EYA2: variants seen among roughly 807,000 people sequenced by gnomAD.
EYA2 encodes EYA transcriptional coactivator and phosphatase 2, also known as protein phosphatase EYA2.
In EYA2, 31 loss-of-function variants were observed where a neutral mutation model predicts 69.2. That is an observed-to-expected ratio of 0.45 (90% confidence interval 0.34 to 0.60). The LOEUF is 0.60. EYA2 is among the 20% of genes least tolerant of loss of function. The pLI is 0.02. For missense variants in EYA2, 622 were observed against 701.2 expected (o/e 0.89, Z 1.28); for synonymous variants, 257 against 279.4 (o/e 0.92, Z 0.80).
chr20:46,968,185 G>A (rs892218376), intron 1 of EYA2, among the ~76,000 whole-genome samples: 2 of 152,206 alleles, frequency 1.3e-5, no homozygotes, highest in African/African-American at 4.8e-5. Context: ...CTAGGGGGAG[G>A]ACAAGAGACA....
intron 9 of EYA2, among the ~76,000 whole-genome samples, chr20:47,098,425 G>A (rs969827964): frequency 1.1e-4 from 17 of 152,220 alleles, no homozygotes; most frequent in African/African-American, 3.9e-4. Flanking sequence ...TGAGACACAG[G>A]CACTCACTCA....
intron 1 of EYA2, among the ~76,000 whole-genome samples, chr20:46,934,362 T>C (rs1403024393): frequency 6.6e-6 from 1 of 151,610 alleles, no homozygotes; most frequent in Admixed American, 6.6e-5. Flanking sequence ...AGCTTCCTTG[T>C]CGTGGTGGTC....
chr20:46,941,125 G>A (rs888388400), intron 1 of EYA2, among the ~76,000 whole-genome samples: 8 of 152,226 alleles, frequency 5.3e-5, no homozygotes, highest in Admixed American at 2.6e-4. Flanking sequence ...GGGGACCCCC[G>A]TGCTGGATGG....
At chr20:46,931,596 G>A (rs1320761659) in intron 1 of EYA2, among the ~76,000 whole-genome samples, 1 of 152,182 alleles carries the variant, frequency 6.6e-6, no homozygotes, top group African/African-American at 2.4e-5. Flanking sequence ...TAGAGACTCA[G>A]CATCAACAAA....
chr20:46,909,318 AGAG>A (rs1234253712), intron 1 of EYA2, among the ~76,000 whole-genome samples: 6 of 152,110 alleles, frequency 3.9e-5, no homozygotes, highest in African/African-American at 1.4e-4. Context: ...GCCTTTTACA[AGAG>A]GAGATTGGAA....
chr20:47,044,428 G>A (rs2029924480), intron 5 of EYA2, among the ~76,000 whole-genome samples: 1 of 152,096 alleles, frequency 6.6e-6, no homozygotes. Context: ...GAGAAAGACA[G>A]ACAAAAATCA....
chr20:47,156,267 G>T (rs1252196210), intron 10 of EYA2, among the ~76,000 whole-genome samples: 2 of 146,934 alleles, frequency 1.4e-5, no homozygotes, highest in African/African-American at 4.9e-5. Context: ...CCGGGAGACA[G>T]AGGTTGCAGT....
At chr20:47,121,611 A>G (rs2033046598) in intron 9 of EYA2, among the ~76,000 whole-genome samples, 1 of 152,314 alleles carries the variant, frequency 6.6e-6, no homozygotes, top group Non-Finnish European at 1.5e-5. Flanking sequence ...CGAGTCCAGG[A>G]GTTTGAGACC....
intron 1 of EYA2, among the ~76,000 whole-genome samples, chr20:46,969,856 CA>C (rs1980033694): frequency 6.6e-6 from 1 of 152,312 alleles, no homozygotes; most frequent in Non-Finnish European, 1.5e-5. Context: ...GTCCCTCCAC[CA>C]TTTGTGTACA....
intron 1 of EYA2, among the ~76,000 whole-genome samples, chr20:46,972,659 C>T (rs1980212374): frequency 6.6e-6 from 1 of 152,144 alleles, no homozygotes; most frequent in South Asian, 2.1e-4. Context: ...TTTATCCCCA[C>T]CTGGCAAGTG....
intron 7 of EYA2, among the ~76,000 whole-genome samples, chr20:47,082,144 C>T (rs1006652894): frequency 1.3e-5 from 2 of 152,036 alleles, no homozygotes; most frequent in Non-Finnish European, 2.9e-5. Flanking sequence ...CCAGCCAACC[C>T]TGCCAATTAT....
At chr20:46,939,260 G>A (rs563274134) in intron 1 of EYA2, among the ~76,000 whole-genome samples, 9 of 152,186 alleles carry the variant, frequency 5.9e-5, no homozygotes, top group African/African-American at 2.2e-4. Flanking sequence ...TAAGGAAAAG[G>A]CACCATCTCA....
intron 5 of EYA2, among the ~76,000 whole-genome samples, chr20:47,064,712 A>G (rs1475696645): frequency 6.6e-6 from 1 of 152,172 alleles, no homozygotes; most frequent in Non-Finnish European, 1.5e-5. Context: ...AGCAGTTTTC[A>G]GCCCAGACAC....
intron 1 of EYA2, among the ~76,000 whole-genome samples, chr20:46,982,864 C>G (rs1300346368): frequency 4.6e-5 from 7 of 151,572 alleles, no homozygotes; most frequent in African/African-American, 1.7e-4. Context: ...ACCTCCGCCT[C>G]CTGGGTTCAA....
intron 5 of EYA2, among the ~76,000 whole-genome samples, chr20:47,044,732 A>G (rs910980158): frequency 3.9e-5 from 6 of 152,220 alleles, no homozygotes; most frequent in Non-Finnish European, 7.3e-5. Flanking sequence ...AATCCTATCT[A>G]TAATTACTGA....
At chr20:46,987,964 C>CTCTATA (rs1555809797) in intron 1 of EYA2, among the ~76,000 whole-genome samples, 4 of 11,274 alleles carry the variant, frequency 3.5e-4, no homozygotes, top group African/African-American at 8.3e-4. Context: ...CTCTCTCTCT[C>CTCTATA]TATATATATA....
At chr20:47,105,347 G>C (rs2032542300) in intron 9 of EYA2, among the ~76,000 whole-genome samples, 1 of 152,146 alleles carries the variant, frequency 6.6e-6, no homozygotes. Flanking sequence ...CCCAGTGGCT[G>C]GGCGTGGTGG....
At chr20:46,919,980 G>T (rs1157343876) in intron 1 of EYA2, among the ~76,000 whole-genome samples, 1 of 152,172 alleles carries the variant, frequency 6.6e-6, no homozygotes, top group Non-Finnish European at 1.5e-5. Flanking sequence ...AGAGGTAGGG[G>T]AACAGTTGGT....
At chr20:46,903,739 G>A (rs1234121266) in intron 1 of EYA2, among the ~76,000 whole-genome samples, 1 of 152,116 alleles carries the variant, frequency 6.6e-6, no homozygotes, top group Non-Finnish European at 1.5e-5. Context: ...CTGGCAAGTG[G>A]TATGAATTAT....
Sources: allele counts gnomAD v4.1 joint callset (sites outside exome capture counted in the v4.1 genomes callset), GRCh38; gene constraint gnomAD v4.1.1; transcripts MANE v1.5; gene names NCBI Gene and HGNC (gene_info 2026-07-23, HGNC 2026-07-21).